The following PARL variants were observed in gnomAD, a reference collection of about 807,000 sequenced individuals.
PARL encodes the protein presenilin-associated rhomboid-like protein, mitochondrial.
PARL carries 44 observed loss-of-function variants against 51.6 expected under a neutral mutation model. The observed-to-expected ratio is 0.85, with a 90% confidence interval of 0.67 to 1.10. The LOEUF (loss-of-function observed/expected upper bound fraction) is 1.10, where lower values mean the gene tolerates loss of function less well. Among genes scored for constraint, PARL ranks in the 50% least tolerant of loss-of-function variants. The pLI, the probability that PARL is intolerant of heterozygous loss-of-function variation, is 0.00. For synonymous variants in PARL, 172 were observed against 164.0 expected (o/e 1.05, Z -0.37); for missense variants, 441 against 469.5 (o/e 0.94, Z 0.56).
intron 5 of PARL, among the ~76,000 whole-genome samples, chr3:183,842,747 G>A (rs1454254266): frequency 7.7e-6 from 1 of 129,882 alleles, no homozygotes; most frequent in Non-Finnish European, 1.6e-5. Flanking sequence ...GGTAGAGTTT[G>A]CAGTGAGCCA....
At chr3:183,877,704 GATT>G (rs1293847951) in intron 1 of PARL, among the ~76,000 whole-genome samples, 1 of 152,110 alleles carries the variant, frequency 6.6e-6, no homozygotes, top group Non-Finnish European at 1.5e-5. Context: ...AGGCTCAGAT[GATT>G]ATTAGAATTT....
At chr3:183,851,925 C>G (rs1027122400) in intron 4 of PARL, among the ~76,000 whole-genome samples, 2 of 151,994 alleles carry the variant, frequency 1.3e-5, no homozygotes, top group Admixed American at 1.3e-4. Flanking sequence ...TTTGGGAGGC[C>G]GGGGCAAGAG....
intron 4 of PARL, chr3:183,844,575 T>G: frequency 2.2e-6 from 1 of 456,954 alleles, no homozygotes; most frequent in Non-Finnish European, 4.0e-6. Flanking sequence ...TTTCCCTAGA[T>G]CCATATTTTA....
chr3:183,870,918 C>T (rs1733115273), intron 1 of PARL, among the ~76,000 whole-genome samples: 1 of 152,110 alleles, frequency 6.6e-6, no homozygotes, highest in Non-Finnish European at 1.5e-5. Flanking sequence ...TATATCTCCT[C>T]CTCCAGGAAG....
chr3:183,855,885 G>T (rs1242377078), intron 4 of PARL, among the ~76,000 whole-genome samples: 1 of 151,832 alleles, frequency 6.6e-6, no homozygotes, highest in Admixed American at 6.6e-5. Flanking sequence ...ACCTGAATCC[G>T]GGAGAGATTG....
intron 1 of PARL, among the ~76,000 whole-genome samples, chr3:183,870,764 C>T (rs1218604683): frequency 6.6e-6 from 1 of 152,144 alleles, no homozygotes; most frequent in Non-Finnish European, 1.5e-5. Context: ...CCTCCCTCTG[C>T]CACCTCAAAT....
intron 4 of PARL, among the ~76,000 whole-genome samples, chr3:183,860,135 A>C (rs1320958171): frequency 6.6e-6 from 1 of 152,180 alleles, no homozygotes; most frequent in Non-Finnish European, 1.5e-5. Flanking sequence ...TCACCCCATA[A>C]ATCTATCACT....
chr3:183,879,197 C>A (rs916298772), intron 1 of PARL, among the ~76,000 whole-genome samples: 1 of 152,346 alleles, frequency 6.6e-6, no homozygotes, highest in Admixed American at 6.5e-5. Flanking sequence ...CCAGCCATTT[C>A]ATTTGATGAG....
At chr3:183,832,410 G>A (rs1015726138) in intron 9 of PARL, among the ~76,000 whole-genome samples, 1 of 151,910 alleles carries the variant, frequency 6.6e-6, no homozygotes, top group African/African-American at 2.4e-5. Context: ...TAGTAGAGAC[G>A]GGGTTTCACT....
intron 1 of PARL, among the ~76,000 whole-genome samples, chr3:183,878,636 G>A (rs1227764250): frequency 6.6e-6 from 1 of 152,108 alleles, no homozygotes; most frequent in Non-Finnish European, 1.5e-5. Context: ...CTCATGTGCC[G>A]CCAGAGTCAA....
At chr3:183,869,937 G>A (rs1030927433) in intron 1 of PARL, among the ~76,000 whole-genome samples, 4 of 151,660 alleles carry the variant, frequency 2.6e-5, no homozygotes, top group Admixed American at 1.3e-4. Flanking sequence ...ATTTTCTGAC[G>A]TACTCTTTCA....
intron 1 of PARL, among the ~76,000 whole-genome samples, chr3:183,883,284 T>G (rs981018017): frequency 3.3e-5 from 5 of 152,188 alleles, no homozygotes; most frequent in Non-Finnish European, 4.4e-5. Context: ...TATTTATTTA[T>G]TTTACATGGA....
chr3:183,868,192 T>C, intron 1 of PARL, 132 bp from the exon 2 acceptor site: 1 of 707,286 alleles, frequency 1.4e-6, no homozygotes. Context: ...CAGCCAAGAC[T>C]CCTACTCTCA....
chr3:183,829,409 C>G lies in PARL; in HGVS notation c.*189G>C. The G allele has an allele frequency of 2.0e-6, 3 of 1,530,822 alleles. No homozygotes were observed. The highest frequency in any genetic ancestry group is 2.6e-6 in the Non-Finnish European group (3 of 1,143,770). 94.8% of individuals were successfully genotyped at this position (1,530,822 alleles called of 1,614,324 possible). Reference sequence around the variant, plus strand: ...ATCTGCTTACAAACTAGATAGAAACCTTTATTTCACAACTTTATCATCATT... The same window carrying G: ...ATCTGCTTACAAACTAGATAGAAACGTTTATTTCACAACTTTATCATCATT... On this transcript the variant is annotated 3_prime_UTR_variant, in exon 10 of 10. Transcript: ENST00000317096.
At chr3:183,866,152 G>T (rs530803963) in intron 3 of PARL, among the ~76,000 whole-genome samples, 29 of 152,214 alleles carry the variant, frequency 1.9e-4, no homozygotes, top group African/African-American at 7.0e-4. Flanking sequence ...GACTTGAGCC[G>T]CTGTGCCCGG....
chr3:183,862,527 C>G (rs375832155), intron 4 of PARL: 1 of 500,520 alleles, frequency 2.0e-6, no homozygotes, highest in Non-Finnish European at 3.6e-6. Flanking sequence ...CAAAACTGAT[C>G]AATCAGTATC....
At position 183,842,387 on chromosome 3, in the gene PARL, G is replaced by C; in HGVS notation, c.668C>G (p.Ala223Gly). The C allele has an allele frequency of 6.2e-7, 1 of 1,613,240 alleles. No homozygotes were observed. Residue 223 changes from alanine to glycine, a missense_variant, in exon 6 of 10, where the codon GCA becomes GGA. Coordinates refer to ENST00000317096, the MANE Select transcript of PARL (RefSeq NM_018622.7). ...GCTCCACAAAACATACATATTTGCT[G>C]CCATGTGAAATAAGGAGAAATGACT... is the stretch of plus-strand genomic sequence containing the variant. ...TFSHFSLFHM[A>G]ANMYVLWSFS... is the part of the protein sequence containing the mutation.
At chr3:183,827,745 A>G (rs565256007), downstream of PARL, among the ~76,000 whole-genome samples, 150 of 151,826 alleles carry the variant, frequency 9.9e-4, no homozygotes, top group African/African-American at 3.4e-3. Context: ...GGGCCTGTGC[A>G]GGGCGGGGGG....
intron 4 of PARL, among the ~76,000 whole-genome samples, chr3:183,857,908 G>A (rs1193055141): frequency 6.6e-6 from 1 of 152,132 alleles, no homozygotes; most frequent in Admixed American, 6.6e-5. Context: ...AAAGTGAAAA[G>A]GACATAATAA....
Sources: allele counts gnomAD v4.1 joint callset (sites outside exome capture counted in the v4.1 genomes callset), GRCh38; gene constraint gnomAD v4.1.1; transcripts MANE v1.5; gene names NCBI Gene and HGNC (gene_info 2026-07-23, HGNC 2026-07-21).